The following FAT3 variants were observed in gnomAD, a reference collection of about 807,000 sequenced individuals.
FAT3 encodes FAT atypical cadherin 3, also known as protocadherin Fat 3.
FAT3 carries 95 observed loss-of-function variants against 310.2 expected under a neutral mutation model. The ratio of observed to expected loss-of-function variants is 0.31; its 90% CI spans 0.26 to 0.36. The LOEUF (loss-of-function observed/expected upper bound fraction) is 0.36, where lower values mean the gene tolerates loss of function less well. Among genes scored for constraint, FAT3 ranks in the 10% least tolerant of loss-of-function variants. The pLI, the probability that FAT3 is intolerant of heterozygous loss-of-function variation, is 1.00. For synonymous variants in FAT3, 2,314 were observed against 2,192.9 expected, an observed-to-expected ratio of 1.06 and a Z score of -1.54; for missense variants, 5,408 against 5,715.6, an observed-to-expected ratio of 0.95 and a Z score of 1.74.
At chr11:92,538,657 A>G (rs190978894) in intron 3 of FAT3, among the ~76,000 whole-genome samples, 1 of 152,276 alleles carries the variant, frequency 6.6e-6, no homozygotes, top group Non-Finnish European at 1.5e-5. Context: ...AACCAGGTAC[A>G]ATGCTAGGCA....
intron 1 of FAT3, among the ~76,000 whole-genome samples, chr11:92,315,455 ATGTGTG>A (rs1157835093): frequency 5.6e-5 from 6 of 107,820 alleles, no homozygotes; most frequent in African/African-American, 1.1e-4. Flanking sequence ...GTGTATATAT[ATGTGTG>A]TGTGTGTGTG....
chr11:92,390,520 A>ATG (rs1250531888), intron 2 of FAT3, among the ~76,000 whole-genome samples: 1 of 152,122 alleles, frequency 6.6e-6, no homozygotes, highest in Admixed American at 6.5e-5. Context: ...CCGAGGATGG[A>ATG]TGTCTGCCTG....
chr11:92,268,844 C>G, intron 1 of FAT3, among the ~76,000 whole-genome samples: 1 of 152,266 alleles, frequency 6.6e-6, no homozygotes, highest in Non-Finnish European at 1.5e-5. Flanking sequence ...AATTTTCCTC[C>G]TTTTAAGGAA....
At chr11:92,805,829 G>C (rs145822788) in intron 11 of FAT3, among the ~76,000 whole-genome samples, 1 of 152,104 alleles carries the variant, frequency 6.6e-6, no homozygotes, top group Non-Finnish European at 1.5e-5. Flanking sequence ...ACAAGTACTA[G>C]ATTTTATTTT....
At chr11:92,620,772 G>A (rs1263198572) in intron 3 of FAT3, among the ~76,000 whole-genome samples, 2 of 151,930 alleles carry the variant, frequency 1.3e-5, no homozygotes, top group East Asian at 1.9e-4. Context: ...CTGCTGTAAC[G>A]GAATACTCTG....
chr11:92,688,705 G>A (rs116653955), intron 3 of FAT3, among the ~76,000 whole-genome samples: 133 of 152,210 alleles, frequency 8.7e-4, no homozygotes, highest in African/African-American at 2.9e-3. Context: ...CTAGGTCTGG[G>A]GGGAGCCTAC....
chr11:92,645,973 C>G (rs1942147847), intron 3 of FAT3, among the ~76,000 whole-genome samples: 1 of 152,112 alleles, frequency 6.6e-6, no homozygotes. Flanking sequence ...CTTCATTTAT[C>G]CAATCGCTTC....
intron 3 of FAT3, among the ~76,000 whole-genome samples, chr11:92,537,746 A>C (rs1189376924): frequency 2.0e-5 from 3 of 152,166 alleles, no homozygotes; most frequent in East Asian, 1.9e-4. Context: ...TGTAATAATA[A>C]TACGTAATTT....
intron 3 of FAT3, among the ~76,000 whole-genome samples, chr11:92,585,433 T>A (rs1322633559): frequency 6.6e-6 from 1 of 152,050 alleles, no homozygotes; most frequent in African/African-American, 2.4e-5. Context: ...CTAGGCTCAC[T>A]AGTGTCTTAA....
intron 3 of FAT3, among the ~76,000 whole-genome samples, chr11:92,601,580 G>A (rs116430627): frequency 0.012 from 1,824 of 152,158 alleles, 34 homozygotes; most frequent in African/African-American, 0.042. Flanking sequence ...CTGGATGACC[G>A]AGTAAGACTG....
chr11:92,334,333 C>A (rs1947998831), intron 1 of FAT3, among the ~76,000 whole-genome samples: 1 of 152,138 alleles, frequency 6.6e-6, no homozygotes, highest in Admixed American at 6.5e-5. Flanking sequence ...CATGATTGCA[C>A]CACTGCACTC....
At chr11:92,833,365 A>G (rs1421663473) in intron 14 of FAT3, among the ~76,000 whole-genome samples, 3 of 152,298 alleles carry the variant, frequency 2.0e-5, no homozygotes, top group Middle Eastern at 3.4e-3. Context: ...AAGGAGGTCC[A>G]TTTTCCTTTG....
intron 3 of FAT3, among the ~76,000 whole-genome samples, chr11:92,532,409 C>G (rs958232378): frequency 6.6e-6 from 1 of 152,110 alleles, no homozygotes; most frequent in African/African-American, 2.4e-5. Context: ...CAGTTAAATA[C>G]ATTTGTATGT....
chr11:92,805,388 C>T (rs1333123071), intron 11 of FAT3, 39 bp downstream of exon 11: 2 of 1,556,252 alleles, frequency 1.3e-6, no homozygotes, highest in Admixed American at 3.9e-5. Flanking sequence ...TACTCTGCTT[C>T]TCCAAAATAA....
intron 19 of FAT3, 57 bp from the exon 20 acceptor site, chr11:92,857,157 G>A (rs1164570349): frequency 6.2e-7 from 1 of 1,612,248 alleles, no homozygotes; most frequent in Non-Finnish European, 8.5e-7. Flanking sequence ...TATCTTCCCT[G>A]GAGTGCAGGG....
At chr11:92,740,000 G>C (rs1176542500) in intron 4 of FAT3, among the ~76,000 whole-genome samples, 6 of 152,088 alleles carry the variant, frequency 3.9e-5, no homozygotes, top group Non-Finnish European at 8.8e-5. Context: ...AACTATCTGG[G>C]CAATGTCATG....
At chr11:92,626,475 T>C (rs984031112) in intron 3 of FAT3, among the ~76,000 whole-genome samples, 2 of 152,058 alleles carry the variant, frequency 1.3e-5, no homozygotes, top group Non-Finnish European at 2.9e-5. Flanking sequence ...GTATCTCTTT[T>C]TTTTTTTTTC....
At chr11:92,241,863 T>C (rs189499372) in intron 1 of FAT3, among the ~76,000 whole-genome samples, 39 of 152,190 alleles carry the variant, frequency 2.6e-4, no homozygotes, top group Admixed American at 2.5e-3. Context: ...ACTAATTGAG[T>C]AATTATTCTC....
intron 1 of FAT3, among the ~76,000 whole-genome samples, chr11:92,300,778 T>C (rs924475143): frequency 1.1e-4 from 17 of 152,286 alleles, no homozygotes; most frequent in African/African-American, 3.8e-4. Flanking sequence ...ACATGGCTCA[T>C]AGTAAAAAAC....
Sources: allele counts gnomAD v4.1 joint callset (sites outside exome capture counted in the v4.1 genomes callset), GRCh38; gene constraint gnomAD v4.1.1; transcripts MANE v1.5; gene names NCBI Gene and HGNC (gene_info 2026-07-23, HGNC 2026-07-21).